Variants in PRKCE observed in about 807,000 individuals in gnomAD.
PRKCE encodes the protein protein kinase C epsilon, also known as protein kinase C epsilon type.
PRKCE carries 16 observed loss-of-function variants against 85.4 expected under a neutral mutation model. The observed-to-expected ratio is 0.19, with a 90% CI of 0.13 to 0.28. The LOEUF (loss-of-function observed/expected upper bound fraction) is 0.28, where lower values mean the gene tolerates loss of function less well. Among genes scored for constraint, PRKCE ranks in the 10% least tolerant of loss-of-function variants. PRKCE has a pLI of 1.00. For synonymous variants in PRKCE, 388 were observed against 371.5 expected, an observed-to-expected ratio of 1.04 and a Z score of -0.51; for missense variants, 573 against 975.2, an observed-to-expected ratio of 0.59 and a Z score of 5.49.
intron 2 of PRKCE, among the ~76,000 whole-genome samples, chr2:45,937,142 G>C (rs570655321): frequency 6.6e-5 from 10 of 152,164 alleles, no homozygotes; most frequent in African/African-American, 1.7e-4. Flanking sequence ...TGTCCATCTG[G>C]TTTTTATTAC....
At chr2:45,921,164 G>A (rs1040703063) in intron 2 of PRKCE, among the ~76,000 whole-genome samples, 2 of 152,230 alleles carry the variant, frequency 1.3e-5, no homozygotes, top group African/African-American at 4.8e-5. Context: ...TGAAGAATAA[G>A]GGCCACATAA....
At chr2:45,730,124 G>T (rs1047925549) in intron 1 of PRKCE, among the ~76,000 whole-genome samples, 29 of 152,116 alleles carry the variant, frequency 1.9e-4, no homozygotes, top group African/African-American at 6.3e-4. Context: ...TAGACGCCAG[G>T]CTTGAAGAGC....
chr2:45,836,512 C>T (rs1042524395), intron 1 of PRKCE, among the ~76,000 whole-genome samples: 11 of 152,216 alleles, frequency 7.2e-5, no homozygotes, highest in African/African-American at 2.4e-4. Context: ...TTTCCAAATG[C>T]AGAGCTGGGA....
In PRKCE at chr2:45,917,669, C is replaced by T. The variant is rs542137665; in HGVS notation, c.413-58760C>T. Among the ~76,000 whole-genome samples the T allele has an allele frequency of 2.1e-4, 32 of 152,376 alleles. No homozygotes were observed. In the East Asian group the frequency reaches 3.5e-3, roughly 17 times the overall value. On this transcript the variant is annotated intron_variant, in intron 2 of 14. Transcript: ENST00000306156. ...GCCTGCCAGTCCCGTGCCATGCGCC[C>T]GCACTCCTCAGCCCTTGGGTGGTCG...
intron 1 of PRKCE, among the ~76,000 whole-genome samples, chr2:45,828,223 G>A (rs369476855): frequency 3.9e-5 from 6 of 152,278 alleles, no homozygotes; most frequent in Middle Eastern, 3.4e-3. Context: ...GAGGAGATTC[G>A]ATCAAAGCAA....
intron 11 of PRKCE, among the ~76,000 whole-genome samples, chr2:46,110,061 A>G (rs539676934): frequency 6.6e-6 from 1 of 152,294 alleles, no homozygotes; most frequent in Admixed American, 6.5e-5. Flanking sequence ...TGGTTGTGGT[A>G]TATAATTCTT....
At chr2:45,914,442 G>A (rs992973586) in intron 2 of PRKCE, among the ~76,000 whole-genome samples, 2 of 152,218 alleles carry the variant, frequency 1.3e-5, no homozygotes, top group Non-Finnish European at 2.9e-5. Context: ...GTTCTGTGCT[G>A]TAGATCTAGA....
chr2:46,001,391 T>C lies in PRKCE; in HGVS notation c.824-13T>C. 6.3e-7 allele frequency: 1 copy of C among 1,595,126 alleles called. No homozygotes were observed. Among genetic ancestry groups the C allele is most frequent in the Non-Finnish European group, 8.5e-7 (1 of 1,177,060 alleles). On this transcript the variant is annotated splice_polypyrimidine_tract_variant and intron_variant, in intron 6 of 14. Coordinates refer to ENST00000306156, the MANE Select transcript of PRKCE (RefSeq NM_005400.3). The surrounding 1 kb of genome is among the most constrained non-coding windows in gnomAD (Gnocchi z 4.4). The stretch of plus-strand genomic sequence containing the variant: ...TGAACACTTATCTGTCTTTTCTCCA[T>C]GTCTCCTTACAGTCTGCAAAATGAA...
intron 1 of PRKCE, among the ~76,000 whole-genome samples, chr2:45,796,337 T>C (rs1019342372): frequency 1.3e-5 from 2 of 152,216 alleles, no homozygotes; most frequent in African/African-American, 4.8e-5. Flanking sequence ...CTTTATGCAT[T>C]AATTTTCTCA....
In PRKCE at chr2:45,869,845, CTACA is replaced by C. The variant is rs752472806; in HGVS notation, c.412+26783_412+26786del. Among the ~76,000 whole-genome samples the C allele has an allele frequency of 4.0e-5, 6 of 151,490 alleles. No homozygotes were observed. The South Asian group carries it at 1.0e-3, about 26-fold the overall frequency. On this transcript the variant is annotated intron_variant, in intron 2 of 14. Transcript: ENST00000306156. ...GGCTCAGCCTCCCGAGTAGCTGGGA[CTACA>C]GGTGCACGCCACCACGCCCAGCTAA... is the stretch of plus-strand genomic sequence containing the variant.
chr2:45,991,305 C>T (rs1703776439), intron 6 of PRKCE, among the ~76,000 whole-genome samples: 1 of 152,214 alleles, frequency 6.6e-6, no homozygotes, highest in South Asian at 2.1e-4. Flanking sequence ...CCACGCCAGA[C>T]CTTATAATGT....
chr2:45,745,520 T>C (rs944052181), intron 1 of PRKCE, among the ~76,000 whole-genome samples: 4 of 152,226 alleles, frequency 2.6e-5, no homozygotes, highest in Non-Finnish European at 5.9e-5. Context: ...AAGCTTGCTT[T>C]CTTGTTGAAA....
At chr2:45,868,319 CAAAAAAA>C (rs371501864) in intron 2 of PRKCE, among the ~76,000 whole-genome samples, 19 of 35,996 alleles carry the variant, frequency 5.3e-4, no homozygotes, top group African/African-American at 1.8e-3. Flanking sequence ...CTTTCCTGTC[CAAAAAAA>C]AAAAAAAAAA....
chr2:45,980,262 T>G, intron 4 of PRKCE, 34 bp from the exon 5 acceptor site: 2 of 1,592,882 alleles, frequency 1.3e-6, no homozygotes, highest in Non-Finnish European at 1.7e-6. Flanking sequence ...CTTTCCTGAG[T>G]GTCATTCAGC....
intron 2 of PRKCE, among the ~76,000 whole-genome samples, chr2:45,870,637 G>A (rs748327871): frequency 2.6e-5 from 4 of 152,224 alleles, no homozygotes; most frequent in Non-Finnish European, 4.4e-5. Flanking sequence ...GATGTGTGAG[G>A]TAGTCAAGGG....
intron 11 of PRKCE, among the ~76,000 whole-genome samples, chr2:46,136,225 C>A (rs1030843555): frequency 1.3e-5 from 2 of 152,076 alleles, no homozygotes; most frequent in African/African-American, 4.8e-5. Flanking sequence ...CATTGGAAAA[C>A]GAGCGAAGAA....
chr2:45,975,194 T>G (rs753774427), intron 2 of PRKCE, among the ~76,000 whole-genome samples: 1 of 150,730 alleles, frequency 6.6e-6, no homozygotes, highest in Non-Finnish European at 1.5e-5. Flanking sequence ...CAAGTGGAGT[T>G]GTTTCGAGGG....
At chr2:45,662,230 T>TAA (rs1675700026) in intron 1 of PRKCE, among the ~76,000 whole-genome samples, 1 of 152,246 alleles carries the variant, frequency 6.6e-6, no homozygotes, top group Non-Finnish European at 1.5e-5. Context: ...AGCAAATATT[T>TAA]ATTGAATATG....
chr2:45,958,508 C>CAA (rs540917691), intron 2 of PRKCE, among the ~76,000 whole-genome samples: 13 of 68,784 alleles, frequency 1.9e-4, no homozygotes, highest in African/African-American at 6.1e-4. Flanking sequence ...GACTCTGTCT[C>CAA]AAAAAAAAAA....
Sources: gnomAD v4.1 joint callset for allele counts (sites outside exome capture counted in the v4.1 genomes callset) on GRCh38, gnomAD v4.1.1 for gene constraint, Gnocchi (gnomAD v3.1) non-coding constraint, MANE v1.5 for transcripts, NCBI Gene and HGNC (gene_info 2026-07-23, HGNC 2026-07-21) for gene names.